GALNTL6: variants seen among roughly 807,000 people sequenced by gnomAD.
The protein encoded by GALNTL6 is polypeptide N-acetylgalactosaminyltransferase-like 6.
A neutral mutation model predicts 73.7 loss-of-function variants in GALNTL6; 46 were observed. That is an observed-to-expected ratio of 0.62 (90% confidence interval 0.49 to 0.80). The LOEUF (loss-of-function observed/expected upper bound fraction) is 0.80. Among genes scored for constraint, GALNTL6 ranks in the 30% least tolerant of loss-of-function variants. The pLI, the probability that GALNTL6 is intolerant of heterozygous loss-of-function variation, is 0.00. For missense variants in GALNTL6, 604 were observed against 755.0 expected (o/e 0.80, Z 2.34); for synonymous variants, 259 against 263.7 (o/e 0.98, Z 0.17).
intron 2 of GALNTL6, among the ~76,000 whole-genome samples, chr4:172,108,365 T>C (rs1732746533): frequency 6.6e-6 from 1 of 152,106 alleles, no homozygotes. Context: ...GCTCACATGA[T>C]TATGGAGGCT....
intron 5 of GALNTL6, among the ~76,000 whole-genome samples, chr4:172,475,403 G>T (rs13146091): frequency 1.3e-5 from 2 of 151,388 alleles, no homozygotes; most frequent in African/African-American, 4.9e-5. Context: ...TAATTTTTCA[G>T]GTAGAACAAT....
Position 172,167,965 on chromosome 4 carries a change from CAAAAAA to C in GALNTL6, c.139-61676_139-61671del, listed in dbSNP as rs70941387. ...TGGGCAACAGAGCGAGACTCCGTCT[CAAAAAA>C]AAAAAAAAAAAAAAGAAACATTTCT... On this transcript the variant is annotated intron_variant, in intron 2 of 12. Transcript: ENST00000506823. Among the ~76,000 whole-genome samples the C allele has an allele frequency of 2.1e-4, 24 of 113,948 alleles. 1 individual carries two copies. In the South Asian group the frequency reaches 7.0e-3, roughly 33 times the overall value. The allele number at this position is 113,948 out of a possible 152,430, so 74.8% of individuals were successfully genotyped here.
intron 2 of GALNTL6, among the ~76,000 whole-genome samples, chr4:171,848,250 A>G (rs1472678010): frequency 6.6e-6 from 1 of 152,190 alleles, no homozygotes; most frequent in Non-Finnish European, 1.5e-5. Flanking sequence ...TTATTTTCTC[A>G]TCAGTAGGCT....
chr4:172,643,879 T>G (rs1199627239), intron 5 of GALNTL6, among the ~76,000 whole-genome samples: 1 of 151,936 alleles, frequency 6.6e-6, no homozygotes, highest in Non-Finnish European at 1.5e-5. Flanking sequence ...GTATATGTTA[T>G]TTGATGAACA....
chr4:172,811,833 A>C (rs936920422), intron 6 of GALNTL6, among the ~76,000 whole-genome samples: 2 of 152,170 alleles, frequency 1.3e-5, no homozygotes, highest in Admixed American at 6.5e-5. Context: ...CCTTTGAAAC[A>C]CTATATAATT....
At chr4:172,729,468 C>T (rs1402794208) in intron 5 of GALNTL6, among the ~76,000 whole-genome samples, 1 of 152,052 alleles carries the variant, frequency 6.6e-6, no homozygotes, top group Non-Finnish European at 1.5e-5. Context: ...CCAGTTTTCC[C>T]AGCACCACTT....
chr4:172,455,905 A>G (rs1732382533), intron 5 of GALNTL6, among the ~76,000 whole-genome samples: 1 of 152,172 alleles, frequency 6.6e-6, no homozygotes, highest in Non-Finnish European at 1.5e-5. Flanking sequence ...CCTGACTGGG[A>G]GACACCTCCC....
intron 2 of GALNTL6, among the ~76,000 whole-genome samples, chr4:172,100,190 A>G (rs1238097282): frequency 2.0e-5 from 3 of 152,122 alleles, no homozygotes; most frequent in Non-Finnish European, 1.5e-5. Flanking sequence ...ATTTCCTTCC[A>G]TTGATATATT....
intron 2 of GALNTL6, among the ~76,000 whole-genome samples, chr4:172,195,357 A>C (rs540901397): frequency 8.3e-4 from 127 of 152,304 alleles, no homozygotes; most frequent in African/African-American, 2.7e-3. Flanking sequence ...TTAACACCCT[A>C]CTGTCAATAT....
In GALNTL6 at chr4:172,893,687, A is replaced by G. The variant is rs538101734; in HGVS notation, c.1041+10780A>G. 7.9e-5 allele frequency among the ~76,000 whole-genome samples: 12 copies of G among 152,278 alleles called. No individual in the cohort carries two copies. In the South Asian group the frequency reaches 2.5e-3, roughly 32 times the overall value. On this transcript the variant is annotated intron_variant, in intron 8 of 12. Transcript: ENST00000506823. Reference sequence around the variant, plus strand: ...CCCTGCTCTCTCCCAGCCTGGCAGAAAGCAGGAGCTGTTGTCACTCAGAAC... The same window carrying G: ...CCCTGCTCTCTCCCAGCCTGGCAGAGAGCAGGAGCTGTTGTCACTCAGAAC...
intron 2 of GALNTL6, among the ~76,000 whole-genome samples, chr4:172,191,628 A>C (rs1237304966): frequency 6.6e-6 from 1 of 152,200 alleles, no homozygotes; most frequent in Non-Finnish European, 1.5e-5. Flanking sequence ...TACTCTTTCA[A>C]ATCTTCACAC....
rs573700612 is a variant in GALNTL6 at position 171,886,101 on chromosome 4, T to TA, written c.138+71390dup. 1.1e-4 allele frequency among the ~76,000 whole-genome samples: 16 copies of TA among 152,094 alleles called. No homozygotes were observed. The South Asian group carries it at 3.1e-3, about 30-fold the overall frequency. On this transcript the variant is annotated intron_variant, in intron 2 of 12. Coordinates refer to ENST00000506823, the MANE Select transcript of GALNTL6 (RefSeq NM_001034845.3). Reference sequence around the variant, plus strand: ...CTAAAGGATAAAATATCTACATAATTAAAAAAATACCATCATAAATTTGTT... The same window carrying TA: ...CTAAAGGATAAAATATCTACATAATTAAAAAAAATACCATCATAAATTTGTT...
chr4:172,885,555 T>A (rs1021875073), intron 8 of GALNTL6, among the ~76,000 whole-genome samples: 4 of 152,128 alleles, frequency 2.6e-5, no homozygotes, highest in African/African-American at 9.7e-5. Context: ...TGTTTCTTTA[T>A]CTTCCCTAAG....
At chr4:172,618,063 T>C (rs992590866) in intron 5 of GALNTL6, among the ~76,000 whole-genome samples, 1 of 152,212 alleles carries the variant, frequency 6.6e-6, no homozygotes, top group Non-Finnish European at 1.5e-5. Flanking sequence ...ATGCAAATTC[T>C]TTATTGTTAT....
intron 2 of GALNTL6, among the ~76,000 whole-genome samples, chr4:172,079,425 T>G (rs1020084230): frequency 1.5e-4 from 23 of 152,116 alleles, no homozygotes; most frequent in Admixed American, 3.3e-4. Flanking sequence ...TATGTATATC[T>G]TTGATTAATT....
chr4:172,061,945 CTTTT>C (rs11284710), intron 2 of GALNTL6, among the ~76,000 whole-genome samples: 3 of 114,720 alleles, frequency 2.6e-5, no homozygotes, highest in Admixed American at 9.8e-5. Context: ...TTTTTATCCA[CTTTT>C]TTTTTTTTTT....
At chr4:173,004,782 G>A (rs940222191) in intron 10 of GALNTL6, among the ~76,000 whole-genome samples, 7 of 152,100 alleles carry the variant, frequency 4.6e-5, no homozygotes, top group African/African-American at 7.2e-5. Context: ...GTCCTCACTA[G>A]ACCATCAGGT....
At chr4:172,663,828 G>A (rs1470235007) in intron 5 of GALNTL6, among the ~76,000 whole-genome samples, 2 of 151,878 alleles carry the variant, frequency 1.3e-5, no homozygotes, top group Non-Finnish European at 2.9e-5. Context: ...TACTCGGGAG[G>A]CTGAGGCATG....
Position 172,258,134 on chromosome 4 carries a change from A to G in GALNTL6, c.247+28370A>G, listed in dbSNP as rs566888531. The stretch of plus-strand genomic sequence containing the variant: ...CTCGGGAATATACTGGACAAAAAGC[A>G]TTTCTTAAATGTCTTATTGACTTAA... On this transcript the variant is annotated intron_variant, in intron 3 of 12. Coordinates refer to ENST00000506823, the MANE Select transcript of GALNTL6 (RefSeq NM_001034845.3). Among the ~76,000 whole-genome samples, 7 of 151,416 alleles carry G rather than the reference A, an allele frequency of 4.6e-5. No homozygotes were observed. The South Asian group carries it at 1.5e-3, about 31-fold the overall frequency.
Sources: allele counts gnomAD v4.1 joint callset (sites outside exome capture counted in the v4.1 genomes callset), GRCh38; gene constraint gnomAD v4.1.1; transcripts MANE v1.5; gene names NCBI Gene and HGNC (gene_info 2026-07-23, HGNC 2026-07-21).